The following ZMYND19 variants were observed in gnomAD, a reference collection of about 807,000 sequenced individuals.
ZMYND19 encodes zinc finger MYND-type containing 19.
In ZMYND19, 17 loss-of-function variants were observed where a neutral mutation model predicts 32.0. The ratio of observed to expected loss-of-function variants is 0.53; its 90% CI spans 0.36 to 0.80. ZMYND19 has a LOEUF of 0.80. Among genes scored for constraint, ZMYND19 ranks in the 30% least tolerant of loss-of-function variants. The pLI, the probability that ZMYND19 is intolerant of heterozygous loss-of-function variation, is 0.00. For missense variants in ZMYND19, 250 were observed against 293.6 expected, an observed-to-expected ratio of 0.85 and a Z score of 1.09; for synonymous variants, 124 against 113.6, an observed-to-expected ratio of 1.09 and a Z score of -0.58.
chr9:137,588,999 C>A, intron 1 of ZMYND19: 1 of 438,636 alleles, frequency 2.3e-6, no homozygotes, highest in Non-Finnish European at 4.2e-6. Context: ...GCAGGGCTAA[C>A]CCCAACAGTG....
At chr9:137,588,971 G>A in intron 1 of ZMYND19, 1 of 500,174 alleles carries the variant, frequency 2.0e-6, no homozygotes, top group Non-Finnish European at 3.6e-6. Context: ...AGAGGAGCTG[G>A]TATCAGGCTT....
At position 137,587,088 on chromosome 9, in the gene ZMYND19, C is replaced by A. The variant is rs779910825; in HGVS notation, c.238G>T (p.Val80Leu). 6.8e-6 allele frequency: 11 copies of A among 1,607,056 alleles called. No individual in the cohort carries two copies. The highest frequency in any genetic ancestry group is 9.3e-6 in the Non-Finnish European group (11 of 1,179,988). Residue 80 changes from valine (V) to leucine (L), a missense_variant, in exon 4 of 6, where the codon GTG becomes TTG. By Grantham distance (32) the Val-to-Leu change is conservative (BLOSUM62 1). Coordinates refer to ENST00000298585, the MANE Select transcript of ZMYND19 (RefSeq NM_138462.3). ...TGCACCACCTGGAAGCCCGGGGCCA[C>A]GCCCCCCCGGTGCCGCTCCCTAGAA... The part of the protein sequence containing the change: ...ELLWERHRGG[V>L]APGFQVVHLN...
At chr9:137,588,321 C>T (rs1031473541) in intron 2 of ZMYND19, among the ~76,000 whole-genome samples, 7 of 152,226 alleles carry the variant, frequency 4.6e-5, no homozygotes, top group Non-Finnish European at 1.0e-4. Flanking sequence ...CTCTAAAGAG[C>T]AGGGTCTTCG....
At chr9:137,589,168 C>G (rs1289045287) in intron 1 of ZMYND19, 1 of 222,030 alleles carries the variant, frequency 4.5e-6, no homozygotes, top group Non-Finnish European at 7.6e-6. Flanking sequence ...TTTTGTCCAT[C>G]TGAAATGTTC....
Position 137,582,535 on chromosome 9 carries a change from C to G in ZMYND19, c.*8G>C. On this transcript the variant is annotated 3_prime_UTR_variant, in exon 6 of 6. Coordinates refer to ENST00000298585, the MANE Select transcript of ZMYND19 (RefSeq NM_138462.3). ...GGGGGCTGTGAGTATGTGTGGCTCC[C>G]CTGCCCGTCATCGCTCTGGCTCAAG... The G allele has an allele frequency of 6.2e-7, 1 of 1,611,080 alleles. No individual in the cohort carries two copies. Among genetic ancestry groups the G allele is most frequent in the South Asian group, 1.1e-5 (1 of 90,840 alleles).
In ZMYND19 at chr9:137,582,967, A is replaced by G. The variant is rs369697069; in HGVS notation, c.540+16T>C. Reference sequence around the variant, plus strand: ...GTAGAGGTGCCAGGGACGCGACCGCACTGCAGCACACCCACCTGCTTCTCA... The same window carrying G: ...GTAGAGGTGCCAGGGACGCGACCGCGCTGCAGCACACCCACCTGCTTCTCA... On this transcript the variant is annotated intron_variant, in intron 5 of 5. Coordinates refer to ENST00000298585, the MANE Select transcript of ZMYND19 (RefSeq NM_138462.3). 2.3e-4 allele frequency: 369 copies of G among 1,613,510 alleles called. 2 individuals are homozygous for G. The Middle Eastern group carries it at 3.2e-3, about 14-fold the overall frequency.
At chr9:137,586,745 T>C (rs1417850642) in intron 4 of ZMYND19, among the ~76,000 whole-genome samples, 1 of 152,146 alleles carries the variant, frequency 6.6e-6, no homozygotes, top group Non-Finnish European at 1.5e-5. Context: ...GAGCCAATTA[T>C]AAGAGGAGCA....
chr9:137,589,935 C>A (rs1842252021), intron 1 of ZMYND19: 1 of 985,370 alleles, frequency 1.0e-6, no homozygotes, highest in Non-Finnish European at 1.2e-6. Context: ...TCTCCGCACC[C>A]GGCTCGGGAC....
Position 137,588,642 on chromosome 9 carries a change from C to G in ZMYND19, c.111+17G>C, listed in dbSNP as rs1223237588. The G allele has an allele frequency of 4.3e-6, 7 of 1,614,042 alleles. No homozygotes were observed. The highest frequency in any genetic ancestry group is 2.2e-5 in the East Asian group (1 of 44,880). On this transcript the variant is annotated intron_variant, in intron 2 of 5. Transcript: ENST00000298585. ...TGACCACGAGCATCAGGGGAGGGAA[C>G]AGCCATCCTTACTTACCTCAAAGGA... is the stretch of plus-strand genomic sequence containing the variant.
intron 4 of ZMYND19, 62 bp from the exon 5 acceptor site, chr9:137,583,225 C>T (rs1163584755): frequency 8.9e-6 from 14 of 1,566,010 alleles, no homozygotes; most frequent in South Asian, 1.2e-5. Context: ...ACACAGCAGA[C>T]GATGCAATGA....
rs1347949601 is a variant in ZMYND19 at position 137,590,013 on chromosome 9, G to A, written c.51+200C>T. The A allele has an allele frequency of 1.0e-6, 1 of 984,980 alleles. No individual in the cohort carries two copies. Among genetic ancestry groups the A allele is most frequent in the Non-Finnish European group, 1.2e-6 (1 of 829,776 alleles). 61.0% of individuals were successfully genotyped at this position (984,980 alleles called of 1,614,324 possible). A position where few individuals can be genotyped will look rare whatever the true frequency, so the allele number is the denominator to read the frequency against. On this transcript the variant is annotated intron_variant, in intron 1 of 5. Transcript: ENST00000298585. The surrounding 1 kb of genome is among the most constrained non-coding windows in gnomAD (Gnocchi z 4.2). ...GCCAGGTGCACCCCAGAGCCGAGGGGTGCGTGCCCGCCGGCCTGCGAGAGG... is the reference window on the plus strand; with the variant it reads ...GCCAGGTGCACCCCAGAGCCGAGGGATGCGTGCCCGCCGGCCTGCGAGAGG...
Position 137,582,768 on chromosome 9 carries a change from A to G in ZMYND19, c.541-82T>C. The G allele has an allele frequency of 2.6e-6, 4 of 1,557,660 alleles. No individual in the cohort carries two copies. The South Asian group carries it at 4.8e-5, about 19-fold the overall frequency. ...AAGGCTGCGTCTTACGGACAATCTG[A>G]CGGACCCAGCAAAACACCACGTACC... On this transcript the variant is annotated intron_variant, in intron 5 of 5. Coordinates refer to ENST00000298585, the MANE Select transcript of ZMYND19 (RefSeq NM_138462.3).
At chr9:137,587,884 T>G in intron 2 of ZMYND19, 61 bp from the exon 3 acceptor site, 2 of 1,519,530 alleles carry the variant, frequency 1.3e-6, no homozygotes, top group Non-Finnish European at 1.8e-6. Context: ...ACACTTCAAT[T>G]CCCTCTTAGA....
At chr9:137,583,546 C>T (rs1247297999) in intron 4 of ZMYND19, among the ~76,000 whole-genome samples, 1 of 152,182 alleles carries the variant, frequency 6.6e-6, no homozygotes, top group East Asian at 1.9e-4. Context: ...GGGAGCTGCC[C>T]TACGTCCGTC....
intron 3 of ZMYND19, 160 bp from the exon 4 acceptor site, chr9:137,587,267 C>G (rs1842216485): frequency 8.9e-6 from 11 of 1,234,890 alleles, no homozygotes; most frequent in Non-Finnish European, 1.2e-5. Context: ...CAGGCGGAAG[C>G]TGCTGAGAGA....
chr9:137,589,909 G>A (rs909698524), intron 1 of ZMYND19: 6 of 985,152 alleles, frequency 6.1e-6, no homozygotes, highest in Non-Finnish European at 7.2e-6. Context: ...AACGCGGCTC[G>A]GGCTCGAGCC....
rs753555779 is a variant in ZMYND19, at chr9:137,582,149, G to T, written c.*394C>A. On this transcript the variant is annotated 3_prime_UTR_variant, in exon 6 of 6. Coordinates refer to ENST00000298585, the MANE Select transcript of ZMYND19 (RefSeq NM_138462.3). The stretch of plus-strand genomic sequence containing the variant: ...GCAGGCCGCGCTCCACGGGGCTCCC[G>T]GCGGCCCAGGGGAGAAGCTTCGACA... 1 of 167,734 alleles carries T rather than the reference G, an allele frequency of 6.0e-6. No individual in the cohort carries two copies. The allele number at this position is 167,734 out of a possible 1,614,324, so 10.4% of individuals were successfully genotyped here.
chr9:137,584,371 G>A (rs1330343245), intron 4 of ZMYND19, among the ~76,000 whole-genome samples: 1 of 152,244 alleles, frequency 6.6e-6, no homozygotes, highest in Non-Finnish European at 1.5e-5. Flanking sequence ...AGAATGGGCT[G>A]ACCAGGAGCA....
At chr9:137,589,810 G>A (rs1564492468) in intron 1 of ZMYND19, 5 of 985,362 alleles carry the variant, frequency 5.1e-6, no homozygotes, top group Middle Eastern at 5.2e-4. Context: ...CTCGGAAAGG[G>A]CGCTGTGTTT....
Sources: allele counts gnomAD v4.1 joint callset (sites outside exome capture counted in the v4.1 genomes callset), GRCh38; gene constraint gnomAD v4.1.1; non-coding constraint Gnocchi (gnomAD v3.1); transcripts MANE v1.5; gene names NCBI Gene and HGNC (gene_info 2026-07-23, HGNC 2026-07-21).